The following SH2D3C variants were observed in gnomAD, a reference collection of about 807,000 sequenced individuals.
SH2D3C encodes the protein SH2 domain containing 3C.
SH2D3C carries 25 observed loss-of-function variants against 75.2 expected under a neutral mutation model. That is an observed-to-expected ratio of 0.33 (90% CI 0.24 to 0.46). SH2D3C has a LOEUF of 0.46. SH2D3C is among the 20% of genes least tolerant of loss of function. The pLI is 1.00. For missense variants in SH2D3C, 933 were observed against 1,165.3 expected, an observed-to-expected ratio of 0.80 and a Z score of 2.90; for synonymous variants, 450 against 473.7, an observed-to-expected ratio of 0.95 and a Z score of 0.65.
chr9:127,766,563 G>A (rs1017485561), intron 2 of SH2D3C, among the ~76,000 whole-genome samples: 16 of 151,784 alleles, frequency 1.1e-4, no homozygotes, highest in South Asian at 6.3e-4. Flanking sequence ...TCCTGTTTTT[G>A]TTTGTTTGTT....
At position 127,744,721 on chromosome 9, in the gene SH2D3C, T is replaced by A; in HGVS notation, c.1643A>T (p.Glu548Val). The A allele has an allele frequency of 6.2e-7, 1 of 1,614,178 alleles. No individual in the cohort carries two copies. Among genetic ancestry groups the A allele is most frequent in the African/African-American group, 1.3e-5 (1 of 75,050 alleles). The change falls in exon 7 of 12, where the codon GAA (glutamate) becomes GTA (valine). Residue 548 changes from glutamate (E) to valine (V), a missense_variant. Transcript: ENST00000314830. ...WGKTFTVPIV[E>V]VTSSFNPATF... Reference sequence around the variant, plus strand: ...GGCCGGGTTGAAGGAAGAAGTGACTTCCACGATGGGGACTGTGAAGGTCTT... The same window carrying A: ...GGCCGGGTTGAAGGAAGAAGTGACTACCACGATGGGGACTGTGAAGGTCTT...
intron 3 of SH2D3C, among the ~76,000 whole-genome samples, chr9:127,755,677 A>T (rs1490686699): frequency 2.0e-5 from 3 of 152,190 alleles, no homozygotes; most frequent in African/African-American, 7.2e-5. Flanking sequence ...AGGATTTCTC[A>T]TCCCTGGTTT....
rs1280711945 is a variant in SH2D3C, at chr9:127,753,792, G to C, written c.556-2492C>G. 2.6e-5 allele frequency among the ~76,000 whole-genome samples: 4 copies of C among 152,208 alleles called. No individual in the cohort carries two copies. The South Asian group carries it at 6.2e-4, about 24-fold the overall frequency. On this transcript the variant is annotated intron_variant, in intron 3 of 11. Coordinates refer to ENST00000314830, the MANE Select transcript of SH2D3C (RefSeq NM_170600.3). Reference sequence around the variant, plus strand: ...CCTTCTGGCGTCCTCCTTGACAAAGGGCATGCGATTGAGACCTTCCCCCAG... The same window carrying C: ...CCTTCTGGCGTCCTCCTTGACAAAGCGCATGCGATTGAGACCTTCCCCCAG...
In SH2D3C at chr9:127,754,993, G is replaced by T; in HGVS notation, c.556-3693C>A. 1.6e-6 allele frequency: 1 copy of T among 636,626 alleles called. No homozygotes were observed. The highest frequency in any genetic ancestry group is 6.3e-4 in the Middle Eastern group (1 of 1,590). The allele number at this position is 636,626 out of a possible 1,614,324, so 39.4% of individuals were successfully genotyped here. ...CCCTGCCGGGCGCCGCTGAGCTGCA[G>T]CTCCCCGGCTGGCTCTAGGGCCCCG... On this transcript the variant is annotated intron_variant, in intron 3 of 11. Transcript: ENST00000314830. This position sits in a 1 kb window ranked among gnomAD's most constrained non-coding sequence, Gnocchi z 4.4.
chr9:127,755,100 G>A (rs1335994403), intron 3 of SH2D3C: 5 of 1,215,550 alleles, frequency 4.1e-6, no homozygotes, highest in Non-Finnish European at 5.1e-6. Flanking sequence ...CGAAGGAGCC[G>A]CGGTAGAAGC....
intron 2 of SH2D3C, among the ~76,000 whole-genome samples, chr9:127,766,668 C>A (rs1276703614): frequency 6.6e-6 from 1 of 152,188 alleles, no homozygotes; most frequent in Non-Finnish European, 1.5e-5. Context: ...CTCCCGGGTT[C>A]AAGTGATTCT....
rs1309045992 is a variant in SH2D3C, at chr9:127,754,082, C to T, written c.556-2782G>A. Among the ~76,000 whole-genome samples the T allele has an allele frequency of 6.6e-6, 1 of 152,184 alleles. No individual in the cohort carries two copies. Among genetic ancestry groups the T allele is most frequent in the African/African-American group, 2.4e-5 (1 of 41,462 alleles). ...TAGGGTCCCTGTGCCTTGATCTCACCTCGACCTGGGAGCCCCCAGTTCCCT... is the reference window on the plus strand; with the variant it reads ...TAGGGTCCCTGTGCCTTGATCTCACTTCGACCTGGGAGCCCCCAGTTCCCT... On this transcript the variant is annotated intron_variant, in intron 3 of 11. Coordinates refer to ENST00000314830, the MANE Select transcript of SH2D3C (RefSeq NM_170600.3). The surrounding 1 kb of genome is among the most constrained non-coding windows in gnomAD (Gnocchi z 4.4).
At chr9:127,760,121 T>C (rs1268347370) in intron 3 of SH2D3C, among the ~76,000 whole-genome samples, 1 of 152,094 alleles carries the variant, frequency 6.6e-6, no homozygotes, top group Admixed American at 6.6e-5. Flanking sequence ...CGAGATCTTT[T>C]AAGAGGTGGC....
chr9:127,772,720 G>A (rs1300459931), intron 2 of SH2D3C, among the ~76,000 whole-genome samples: 5 of 152,146 alleles, frequency 3.3e-5, no homozygotes. Context: ...TGAGTCTAAT[G>A]TGGTACATAA....
chr9:127,742,003 G>A (rs758756052), intron 8 of SH2D3C, 44 bp from the exon 9 acceptor site: 2 of 1,554,962 alleles, frequency 1.3e-6, no homozygotes, highest in East Asian at 4.6e-5. Flanking sequence ...CGGGGACAGG[G>A]GTGAGGGGTG....
rs1260922177 is a variant in SH2D3C, at chr9:127,749,386, T to G, written c.964A>C (p.Thr322Pro). ...GAIIYCPVNR[T>P]FPLRYLEASY... is the part of the protein sequence containing the mutation. ...GCCTCGAGGTAGCGCAGTGGGAAGG[T>G]GCGGTTCACCGGGCAGTAGATGATG... The change falls in exon 5 of 12, where the codon ACC (threonine) becomes CCC (proline). Residue 322 changes from threonine (T) to proline (P), a missense_variant. Thr to Pro is a conservative substitution (Grantham distance 38). Transcript: ENST00000314830. This position sits in a 1 kb window ranked among gnomAD's most constrained non-coding sequence, Gnocchi z 5.9. The G allele has an allele frequency of 1.9e-6, 3 of 1,613,966 alleles. No individual in the cohort carries two copies. Among genetic ancestry groups the G allele is most frequent in the Non-Finnish European group, 2.5e-6 (3 of 1,180,022 alleles).
At chr9:127,767,256 A>T in intron 2 of SH2D3C, 2 of 1,462,076 alleles carry the variant, frequency 1.4e-6, no homozygotes, top group Non-Finnish European at 1.8e-6. Context: ...GACAGCTGCC[A>T]CCCAAGTCTC....
chr9:127,778,029 C>T (rs975679614), intron 1 of SH2D3C, among the ~76,000 whole-genome samples: 1 of 151,954 alleles, frequency 6.6e-6, no homozygotes, highest in Non-Finnish European at 1.5e-5. Flanking sequence ...GCTGTGTCGC[C>T]CAGACTGGAG....
chr9:127,749,127 C>G lies in SH2D3C; in HGVS notation c.1139+84G>C, dbSNP rs1412184283. ...AGGCTCCAGGAGAGTAATTTCATCC[C>G]ATTTCAGTGTACCTAGGCCTTCTCT... On this transcript the variant is annotated intron_variant, in intron 5 of 11. Coordinates refer to ENST00000314830, the MANE Select transcript of SH2D3C (RefSeq NM_170600.3). The surrounding 1 kb of genome is among the most constrained non-coding windows in gnomAD (Gnocchi z 5.9). 5 of 1,013,016 alleles carry G rather than the reference C, an allele frequency of 4.9e-6. No homozygotes were observed. The East Asian group carries it at 9.6e-5, about 19-fold the overall frequency. The allele number at this position is 1,013,016 out of a possible 1,614,324, so 62.8% of individuals were successfully genotyped here.
In SH2D3C at chr9:127,744,522, A is replaced by G. The variant is rs376201263; in HGVS notation, c.1800+42T>C. 4 of 1,563,798 alleles carry G rather than the reference A, an allele frequency of 2.6e-6. No homozygotes were observed. In the South Asian group the frequency reaches 3.6e-5, roughly 14 times the overall value. The stretch of plus-strand genomic sequence containing the variant: ...GCTTCTCACTGCCCTGCCCCACAGA[A>G]CAGAGATGCTCCCTCCACCCCAGTG... On this transcript the variant is annotated intron_variant, in intron 7 of 11. Coordinates refer to ENST00000314830, the MANE Select transcript of SH2D3C (RefSeq NM_170600.3).
chr9:127,753,411 A>C (rs1024259686), intron 3 of SH2D3C, among the ~76,000 whole-genome samples: 15 of 152,170 alleles, frequency 9.9e-5, no homozygotes, highest in African/African-American at 3.6e-4. Context: ...TGGTGGACCC[A>C]TGAAAATTTG....
At chr9:127,756,157 C>A (rs1845373537) in intron 3 of SH2D3C, among the ~76,000 whole-genome samples, 1 of 152,122 alleles carries the variant, frequency 6.6e-6, no homozygotes, top group African/African-American at 2.4e-5. Flanking sequence ...AAAAAATTAG[C>A]CGGGTGTGGT....
intron 2 of SH2D3C, among the ~76,000 whole-genome samples, chr9:127,765,711 G>A (rs1464788877): frequency 6.6e-6 from 1 of 152,130 alleles, no homozygotes; most frequent in Non-Finnish European, 1.5e-5. Flanking sequence ...TTTGCTTGGG[G>A]ATTTCTAGAA....
chr9:127,774,270 T>TG lies in SH2D3C; in HGVS notation c.234dup (p.Thr79HisfsTer75). On this transcript the variant is annotated frameshift_variant, in exon 2 of 12. Coordinates refer to ENST00000314830, the MANE Select transcript of SH2D3C (RefSeq NM_170600.3). LOFTEE classifies it high-confidence loss of function. This position sits in a 1 kb window ranked among gnomAD's most constrained non-coding sequence, Gnocchi z 4.3. ...TTCTTGATGCTGGGGCGAGGCATGGTGCCCATGTGGCTGTACATGTCACTG... is the reference window on the plus strand; with the variant it reads ...TTCTTGATGCTGGGGCGAGGCATGGTGGCCCATGTGGCTGTACATGTCACTG... The TG allele has an allele frequency of 1.2e-6, 2 of 1,614,058 alleles. No homozygotes were observed. The highest frequency in any genetic ancestry group is 1.7e-6 in the Non-Finnish European group (2 of 1,179,998).
Sources: allele counts gnomAD v4.1 joint callset (sites outside exome capture counted in the v4.1 genomes callset), GRCh38; gene constraint gnomAD v4.1.1; non-coding constraint Gnocchi (gnomAD v3.1); transcripts MANE v1.5; gene names NCBI Gene and HGNC (gene_info 2026-07-23, HGNC 2026-07-21).